The following TADA3 variants were observed in gnomAD, a reference collection of about 807,000 sequenced individuals.
The protein encoded by TADA3 is transcriptional adaptor 3, also known as transcriptional adapter 3.
In TADA3, 25 loss-of-function variants were observed where a neutral mutation model predicts 43.2. The observed-to-expected ratio is 0.58, with a 90% CI of 0.42 to 0.81. The LOEUF is 0.81. Among genes scored for constraint, TADA3 ranks in the 30% least tolerant of loss-of-function variants. The pLI, the probability that TADA3 is intolerant of heterozygous loss-of-function variation, is 0.00. For missense variants in TADA3, 441 were observed against 567.8 expected, an observed-to-expected ratio of 0.78 and a Z score of 2.27; for synonymous variants, 235 against 225.5, an observed-to-expected ratio of 1.04 and a Z score of -0.38.
chr3:9,785,143 C>T (rs1466972647), intron 7 of TADA3, among the ~76,000 whole-genome samples, 173 bp downstream of exon 7: 2 of 152,210 alleles, frequency 1.3e-5, no homozygotes, highest in East Asian at 3.8e-4. Flanking sequence ...AACAACCCTG[C>T]ACTCAGTCTG....
rs958763959 is a variant in TADA3 at position 9,780,660 on chromosome 3, G to A, written c.1107-111C>T. 6 of 1,141,440 alleles carry A rather than the reference G, an allele frequency of 5.3e-6. No individual in the cohort carries two copies. In the South Asian group the frequency reaches 6.2e-5, roughly 12 times the overall value. The allele number at this position is 1,141,440 out of a possible 1,614,324, so 70.7% of individuals were successfully genotyped here. A position where few individuals can be genotyped will look rare whatever the true frequency, so the allele number is the denominator to read the frequency against. On this transcript the variant is annotated intron_variant, in intron 8 of 8. Transcript: ENST00000301964. ...GCCCAGGCTGGCATGCCTGTGGATTGTGTCATACAGTCGTGACCAAAAAGC... is the reference window on the plus strand; with the variant it reads ...GCCCAGGCTGGCATGCCTGTGGATTATGTCATACAGTCGTGACCAAAAAGC...
Position 9,784,199 on chromosome 3 carries a change from T to A in TADA3, c.935A>T (p.Lys312Met). ...CTCCTTGATGCGGCTCTCCAGGGAC[T>A]TAGTATGCGGCACACTGCAGCGGGA... is the stretch of plus-strand genomic sequence containing the variant. Reference protein sequence around the residue: ...QNKPFSVPHTKSLESRIKEEL... With the variant: ...QNKPFSVPHTMSLESRIKEEL... The change falls in exon 8 of 9, where the codon AAG becomes ATG. Residue 312 changes from lysine to methionine, a missense_variant. Physicochemically the swap from Lys to Met is moderately conservative, Grantham distance 95 (BLOSUM62 -1). Coordinates refer to ENST00000301964, the MANE Select transcript of TADA3 (RefSeq NM_006354.5). 4 of 1,613,154 alleles carry A rather than the reference T, an allele frequency of 2.5e-6. No individual in the cohort carries two copies. Among genetic ancestry groups the A allele is most frequent in the Non-Finnish European group, 3.4e-6 (4 of 1,179,214 alleles).
intron 8 of TADA3, among the ~76,000 whole-genome samples, chr3:9,781,085 A>G (rs2078449279): frequency 6.6e-6 from 1 of 152,036 alleles, no homozygotes; most frequent in African/African-American, 2.4e-5. Context: ...AACTATGATC[A>G]TGCCACTACA....
chr3:9,786,463 T>A (rs528610130), intron 6 of TADA3, among the ~76,000 whole-genome samples: 1 of 151,766 alleles, frequency 6.6e-6, no homozygotes, highest in Non-Finnish European at 1.5e-5. Context: ...GGTGAAAGAG[T>A]GTGAGGGTGT....
chr3:9,784,245 G>C, intron 7 of TADA3, 32 bp from the exon 8 acceptor site: 1 of 1,587,060 alleles, frequency 6.3e-7, no homozygotes, highest in Non-Finnish European at 8.6e-7. Flanking sequence ...TCAGACTCAA[G>C]AGCCAGCTTG....
chr3:9,786,918 A>G, intron 6 of TADA3, 88 bp downstream of exon 6: 1 of 1,269,594 alleles, frequency 7.9e-7, no homozygotes. Context: ...CCAACCTAAT[A>G]AATGTATGAT....
chr3:9,783,941 G>C, intron 8 of TADA3, 87 bp downstream of exon 8: 1 of 1,463,958 alleles, frequency 6.8e-7, no homozygotes, highest in Admixed American at 2.4e-5. Context: ...GGATTGGAAA[G>C]CCTGTTGTAA....
chr3:9,787,280 G>C lies in TADA3; in HGVS notation c.625C>G (p.Gln209Glu). 6.2e-7 allele frequency: 1 copy of C among 1,614,192 alleles called. No individual in the cohort carries two copies. Residue 209 changes from glutamine (Q) to glutamate (E), a missense_variant, in exon 5 of 9, where the codon CAG becomes GAG. Physicochemically the swap from Gln to Glu is conservative, Grantham distance 29. Transcript: ENST00000301964. The part of the protein sequence containing the change: ...RWAQEDLLEE[Q>E]KDGARAAAVA... The stretch of plus-strand genomic sequence containing the variant: ...GCCGCTGCCCGGGCCCCATCCTTCT[G>C]CTCCTCCAGCAGGTCCTCCTGGGCC...
intron 6 of TADA3, 37 bp downstream of exon 6, chr3:9,786,969 A>C (rs1460681336): frequency 6.4e-7 from 1 of 1,557,864 alleles, no homozygotes; most frequent in Non-Finnish European, 8.8e-7. Flanking sequence ...TAAAACACAA[A>C]GTAAATATGG....
Position 9,780,519 on chromosome 3 carries a change from C to T in TADA3, c.1137G>A (p.Glu379=). 3 of 1,605,656 alleles carry T rather than the reference C, an allele frequency of 1.9e-6. No individual in the cohort carries two copies. The highest frequency in any genetic ancestry group is 2.5e-6 in the Non-Finnish European group (3 of 1,179,886). ...RLAKEEVSRQ[E]LRQRVRMADN... ...CAGCCATGCGCACCCGCTGCCTCAG[C>T]TCCTGCCGGCTCACCTCCTCCTTTG... is the stretch of plus-strand genomic sequence containing the variant. The change falls in exon 9 of 9, where the codon GAG becomes GAA. Residue 379 remains glutamate, a synonymous_variant. Coordinates refer to ENST00000301964, the MANE Select transcript of TADA3 (RefSeq NM_006354.5).
At chr3:9,787,402 T>C in intron 4 of TADA3, 62 bp from the exon 5 acceptor site, 1 of 1,538,434 alleles carries the variant, frequency 6.5e-7, no homozygotes, top group Non-Finnish European at 8.7e-7. Context: ...GCTTCATTCA[T>C]TCATTCACTT....
intron 4 of TADA3, among the ~76,000 whole-genome samples, 197 bp downstream of exon 4, chr3:9,789,312 T>G (rs1311583270): frequency 6.6e-6 from 1 of 151,990 alleles, no homozygotes; most frequent in Non-Finnish European, 1.5e-5. Flanking sequence ...GTGTTGACAT[T>G]TGGCTGGGGT....
intron 4 of TADA3, among the ~76,000 whole-genome samples, chr3:9,788,487 T>C (rs1291681275): frequency 2.0e-5 from 3 of 151,728 alleles, no homozygotes; most frequent in East Asian, 1.9e-4. Context: ...CCTTGTGATC[T>C]GCCCGCCTCG....
Position 9,785,407 on chromosome 3 carries a change from T to C in TADA3, c.829A>G (p.Met277Val). Residue 277 changes from methionine (M) to valine (V), a missense_variant, in exon 7 of 9, where the codon ATG (methionine) becomes GTG (valine). Transcript: ENST00000301964. ...ALVEENIISP[M>V]EDSPIPDMSG... is the part of the protein sequence containing the mutation. Reference sequence around the variant, plus strand: ...ATGTCAGGAATAGGAGAATCCTCCATAGGGGAAATAATATTTTCCTAGAAG... The same window carrying C: ...ATGTCAGGAATAGGAGAATCCTCCACAGGGGAAATAATATTTTCCTAGAAG... 1 of 1,613,530 alleles carries C rather than the reference T, an allele frequency of 6.2e-7. No individual in the cohort carries two copies. Among genetic ancestry groups the C allele is most frequent in the Non-Finnish European group, 8.5e-7 (1 of 1,179,542 alleles).
intron 4 of TADA3, chr3:9,787,714 G>A (rs1285229665): frequency 7.6e-7 from 1 of 1,309,498 alleles, no homozygotes; most frequent in East Asian, 5.2e-5. Context: ...CTGTCTGTAT[G>A]AACTCTTTTT....
At chr3:9,781,595 C>T in intron 8 of TADA3, 1 of 456,296 alleles carries the variant, frequency 2.2e-6, no homozygotes, top group Non-Finnish European at 4.4e-6. Context: ...CTGAGGCTGA[C>T]AGGAGGTGGG....
intron 4 of TADA3, chr3:9,787,949 G>A (rs1201206303): frequency 8.4e-6 from 3 of 355,774 alleles, no homozygotes; most frequent in Non-Finnish European, 1.7e-5. Context: ...GGAGGCTGTG[G>A]TGTCCTGGAA....
intron 4 of TADA3, chr3:9,787,583 T>C (rs374528745): frequency 9.9e-5 from 102 of 1,032,106 alleles, no homozygotes; most frequent in African/African-American, 9.2e-4. Context: ...ATTCCCAAGA[T>C]AGAAGGTGCA....
At position 9,784,113 on chromosome 3, in the gene TADA3, C is replaced by T. The variant is rs2078547163; in HGVS notation, c.1021G>A (p.Glu341Lys). The T allele has an allele frequency of 6.2e-7, 1 of 1,614,080 alleles. No individual in the cohort carries two copies. The highest frequency in any genetic ancestry group is 1.3e-5 in the African/African-American group (1 of 74,932). Reference sequence around the variant, plus strand: ...CGTTTGCGAAGCTCAGCAAGGACCTCATCCTCGGAGTCCTCTGCGGGGCGG... The same window carrying T: ...CGTTTGCGAAGCTCAGCAAGGACCTTATCCTCGGAGTCCTCTGCGGGGCGG... ...EDRPAEDSED[E>K]VLAELRKRQA... is the part of the protein sequence containing the mutation. The change falls in exon 8 of 9, where the codon GAG becomes AAG. Residue 341 changes from glutamate to lysine, a missense_variant. Physicochemically the swap from Glu to Lys is moderately conservative, Grantham distance 56. Transcript: ENST00000301964.
Sources: gnomAD v4.1 joint callset for allele counts (sites outside exome capture counted in the v4.1 genomes callset) on GRCh38, gnomAD v4.1.1 for gene constraint, MANE v1.5 for transcripts, NCBI Gene and HGNC (gene_info 2026-07-23, HGNC 2026-07-21) for gene names.